MCU: variants seen among roughly 807,000 people sequenced by gnomAD.
MCU encodes calcium uniporter protein, mitochondrial.
In MCU, 12 loss-of-function variants were observed where a neutral mutation model predicts 45.2. That is an observed-to-expected ratio of 0.27 (90% CI 0.17 to 0.43). MCU has a LOEUF of 0.43. Ranked by LOEUF, MCU falls within the 20% of genes least tolerant of loss-of-function variation. The pLI, the probability that MCU is intolerant of heterozygous loss-of-function variation, is 1.00. For missense variants in MCU, 324 were observed against 436.7 expected (o/e 0.74, Z 2.30); for synonymous variants, 160 against 165.1 (o/e 0.97, Z 0.24).
In MCU at chr10:72,870,163, G is replaced by A. The variant is rs534259135; in HGVS notation, c.658-1214G>A. Among the ~76,000 whole-genome samples, 11 of 152,240 alleles carry A rather than the reference G, an allele frequency of 7.2e-5. 1 individual carries two copies. The South Asian group carries it at 2.3e-3, about 32-fold the overall frequency. ...AAGAAATCAGATTATAAGGAGTAAG[G>A]AAGGGAACAAATACTCTTAGTATTT... On this transcript the variant is annotated intron_variant, in intron 5 of 7. Transcript: ENST00000373053.
At chr10:72,861,644 G>T (rs926219772) in intron 4 of MCU, 9 of 376,870 alleles carry the variant, frequency 2.4e-5, no homozygotes, top group Non-Finnish European at 4.6e-5. Flanking sequence ...ACTATGCCCA[G>T]CCGCCAGGCT....
intron 1 of MCU, among the ~76,000 whole-genome samples, chr10:72,742,022 C>CA (rs59028044): frequency 0.024 from 1,734 of 72,664 alleles, 46 homozygotes; most frequent in East Asian, 0.059. Flanking sequence ...GACTCCGTCT[C>CA]AAAAAAAAAA....
At chr10:72,866,282 A>T (rs1202696885) in intron 4 of MCU, among the ~76,000 whole-genome samples, 2 of 152,150 alleles carry the variant, frequency 1.3e-5, no homozygotes, top group African/African-American at 4.8e-5. Flanking sequence ...GATGACATTC[A>T]TTGAATAAGC....
chr10:72,712,591 G>A (rs548265226), intron 1 of MCU, among the ~76,000 whole-genome samples: 108 of 152,236 alleles, frequency 7.1e-4, no homozygotes, highest in African/African-American at 2.5e-3. Flanking sequence ...CGCCTTTTAT[G>A]GTAAAAAGGC....
intron 6 of MCU, among the ~76,000 whole-genome samples, chr10:72,872,746 A>G (rs1056328273): frequency 4.6e-5 from 7 of 152,144 alleles, no homozygotes; most frequent in Non-Finnish European, 1.0e-4. Context: ...ATATAGCTTT[A>G]ACATACTGAT....
chr10:72,692,143 A>T lies in MCU; in HGVS notation c.-9A>T. The stretch of plus-strand genomic sequence containing the variant: ...CGCTGCCTGGGTCGGCGCCGTTTCC[A>T]GTTGAGAGATGGCGGCCGCCGCAGG... On this transcript the variant is annotated 5_prime_UTR_variant, in exon 1 of 8. Transcript: ENST00000373053. The T allele has an allele frequency of 7.7e-7, 1 of 1,290,978 alleles. No homozygotes were observed. The highest frequency in any genetic ancestry group is 9.9e-7 in the Non-Finnish European group (1 of 1,012,332). The allele number at this position is 1,290,978 out of a possible 1,614,324, so 80.0% of individuals were successfully genotyped here. A position where few individuals can be genotyped will look rare whatever the true frequency, so the allele number is the denominator to read the frequency against.
chr10:72,787,780 G>T (rs541295128), intron 1 of MCU, among the ~76,000 whole-genome samples: 4 of 151,722 alleles, frequency 2.6e-5, no homozygotes, highest in African/African-American at 9.7e-5. Context: ...GTGCAGTGGT[G>T]TGATCTCAGC....
chr10:72,796,085 C>T (rs1188172121), intron 1 of MCU, among the ~76,000 whole-genome samples: 1 of 152,092 alleles, frequency 6.6e-6, no homozygotes, highest in East Asian at 1.9e-4. Flanking sequence ...AACCCAGGTC[C>T]ATACTCTCAG....
chr10:72,715,942 A>C, intron 1 of MCU: 1 of 959,090 alleles, frequency 1.0e-6, no homozygotes, highest in Non-Finnish European at 1.2e-6. Context: ...TTCTCCCTGC[A>C]AGCAAAACAG....
At chr10:72,704,966 G>T (rs1400957230) in intron 1 of MCU, among the ~76,000 whole-genome samples, 3 of 151,802 alleles carry the variant, frequency 2.0e-5, no homozygotes, top group African/African-American at 2.4e-5. Flanking sequence ...TAATCCGCCC[G>T]CCTCGGCCTC....
intron 1 of MCU, among the ~76,000 whole-genome samples, chr10:72,710,953 A>G (rs1249198646): frequency 6.6e-6 from 1 of 151,938 alleles, no homozygotes; most frequent in Non-Finnish European, 1.5e-5. Flanking sequence ...CAAGGCAGGT[A>G]GATCACCTGA....
intron 2 of MCU, among the ~76,000 whole-genome samples, chr10:72,840,479 T>C (rs1845031285): frequency 6.6e-6 from 1 of 152,192 alleles, no homozygotes; most frequent in Non-Finnish European, 1.5e-5. Flanking sequence ...ACAAATGTTA[T>C]TAATGACTTT....
At chr10:72,796,251 C>T (rs1013884219) in intron 1 of MCU, among the ~76,000 whole-genome samples, 2 of 152,050 alleles carry the variant, frequency 1.3e-5, no homozygotes, top group African/African-American at 4.8e-5. Flanking sequence ...CCAGCCTGGC[C>T]AACATAGTGA....
intron 1 of MCU, among the ~76,000 whole-genome samples, chr10:72,710,579 T>C (rs1589426856): frequency 9.1e-6 from 1 of 109,330 alleles, no homozygotes; most frequent in Non-Finnish European, 1.8e-5. Flanking sequence ...TTGGTGGAGG[T>C]GGAGTGGTCC....
rs1444050297 is a variant in MCU, at chr10:72,868,723, G to C, written c.517G>C (p.Ala173Pro). 6.2e-7 allele frequency: 1 copy of C among 1,613,644 alleles called. No homozygotes were observed. The highest frequency in any genetic ancestry group is 8.5e-7 in the Non-Finnish European group (1 of 1,179,868). ...PKRDLLSHEN[A>P]ATLNDVKTLV... The stretch of plus-strand genomic sequence containing the variant: ...TTCAGACCTCTTAAGTCATGAAAAT[G>C]CAGCAACGCTGAATGATGTAAAGAC... The change falls in exon 5 of 8, where the codon GCA (alanine) becomes CCA (proline). Residue 173 changes from alanine (A) to proline (P), a missense_variant. Around this residue, in one of 4 missense-constraint regions of MCU, gnomAD observed 135 missense variants for 207.3 expected, o/e 0.65. Transcript: ENST00000373053.
chr10:72,723,840 A>C (rs957861813), intron 1 of MCU, among the ~76,000 whole-genome samples: 1 of 152,202 alleles, frequency 6.6e-6, no homozygotes, highest in Non-Finnish European at 1.5e-5. Flanking sequence ...CTCTGCAGAT[A>C]GAATAGGTTA....
At chr10:72,747,265 A>G (rs915931063) in intron 1 of MCU, among the ~76,000 whole-genome samples, 2 of 152,342 alleles carry the variant, frequency 1.3e-5, no homozygotes, top group East Asian at 1.9e-4. Flanking sequence ...GTCTATACGA[A>G]TGTTATAGAT....
chr10:72,799,001 T>C (rs932043465), intron 1 of MCU, among the ~76,000 whole-genome samples: 10 of 152,146 alleles, frequency 6.6e-5, no homozygotes, highest in Admixed American at 1.3e-4. Flanking sequence ...TGGAGTGCAG[T>C]GACCTGATCT....
intron 1 of MCU, among the ~76,000 whole-genome samples, chr10:72,791,103 T>A (rs1001197507): frequency 6.6e-6 from 1 of 152,178 alleles, no homozygotes; most frequent in African/African-American, 2.4e-5. Context: ...AAATTTAAAG[T>A]GAAATCATCT....
Sources: gnomAD v4.1 joint callset for allele counts (sites outside exome capture counted in the v4.1 genomes callset) on GRCh38, gnomAD v4.1.1 for gene constraint, gnomAD v4.1.1 regional missense constraint, MANE v1.5 for transcripts, NCBI Gene and HGNC (gene_info 2026-07-23, HGNC 2026-07-21) for gene names.